The following MRPL1 variants were observed in gnomAD, a reference collection of about 807,000 sequenced individuals.
MRPL1 encodes the protein mitochondrial ribosomal protein L1, also known as large ribosomal subunit protein uL1m.
In MRPL1, 28 loss-of-function variants were observed where a neutral mutation model predicts 38.0. The ratio of observed to expected loss-of-function variants is 0.74; its 90% CI spans 0.55 to 1.01. MRPL1 has a LOEUF of 1.01. MRPL1 is among the 50% of genes least tolerant of loss of function. MRPL1 has a pLI of 0.00. For synonymous variants in MRPL1, 123 were observed against 126.7 expected, an observed-to-expected ratio of 0.97 and a Z score of 0.20; for missense variants, 358 against 389.8, an observed-to-expected ratio of 0.92 and a Z score of 0.69.
At chr4:77,891,759 C>G (rs6848029) in intron 5 of MRPL1, among the ~76,000 whole-genome samples, 116,459 of 152,216 alleles carry the variant, frequency 0.77, 45,344 homozygotes, top group African/African-American at 0.91. Flanking sequence ...TGTAAGTTCA[C>G]TAAATGAAAC....
intron 7 of MRPL1, among the ~76,000 whole-genome samples, chr4:77,942,173 T>C (rs1488528695): frequency 6.6e-6 from 1 of 152,204 alleles, no homozygotes; most frequent in South Asian, 2.1e-4. Context: ...TCTACGGTTT[T>C]GAGGGTTCCT....
chr4:77,922,666 T>C lies in MRPL1; in HGVS notation c.777+13294T>C, dbSNP rs115575613. Among the ~76,000 whole-genome samples, 1,255 of 152,326 alleles carry C rather than the reference T, an allele frequency of 8.2e-3. 23 individuals carry two copies. The highest frequency in any genetic ancestry group is 0.029 in the African/African-American group (1,193 of 41,578). Reference sequence around the variant, plus strand: ...CTTTAAAGATATAGTTTATGGAATTTACTGATTGAATGGATATGAGGTGTG... The same window carrying C: ...CTTTAAAGATATAGTTTATGGAATTCACTGATTGAATGGATATGAGGTGTG... On this transcript the variant is annotated intron_variant, in intron 7 of 8. Coordinates refer to ENST00000315567, the MANE Select transcript of MRPL1 (RefSeq NM_020236.4).
At chr4:77,923,214 G>C (rs907767240) in intron 7 of MRPL1, among the ~76,000 whole-genome samples, 1 of 152,014 alleles carries the variant, frequency 6.6e-6, no homozygotes, top group Admixed American at 6.6e-5. Context: ...TCCTGCCTCA[G>C]CCTCCTGGGT....
Position 77,916,806 on chromosome 4 carries a change from C to T in MRPL1, c.777+7434C>T, listed in dbSNP as rs559664970. On this transcript the variant is annotated intron_variant, in intron 7 of 8. Coordinates refer to ENST00000315567, the MANE Select transcript of MRPL1 (RefSeq NM_020236.4). The stretch of plus-strand genomic sequence containing the variant: ...TGAAAATTTCACAAAGAAATATTGC[C>T]AAAATTCTCTAAGTATATCCATAAG... Among the ~76,000 whole-genome samples, 3 of 151,974 alleles carry T rather than the reference C, an allele frequency of 2.0e-5. No homozygotes were observed. In the South Asian group the frequency reaches 6.2e-4, roughly 32 times the overall value.
chr4:77,869,577 TTTG>T (rs869152117), intron 1 of MRPL1, among the ~76,000 whole-genome samples: 1 of 146,918 alleles, frequency 6.8e-6, no homozygotes, highest in Non-Finnish European at 1.5e-5. Context: ...TTGCTTGCTT[TTTG>T]TTGTTTGTTT....
At chr4:77,863,003 T>G in intron 1 of MRPL1, 124 bp downstream of exon 1, 1 of 1,225,762 alleles carries the variant, frequency 8.2e-7, no homozygotes, top group Non-Finnish European at 1.2e-6. Flanking sequence ...GGTCTCTAGG[T>G]TTTTCAGAGG....
At chr4:77,894,400 T>C in intron 6 of MRPL1, 150 bp downstream of exon 6, 2 of 547,130 alleles carry the variant, frequency 3.7e-6, no homozygotes, top group South Asian at 2.7e-5. Flanking sequence ...GGTTTGATTT[T>C]TTTCCCCCGC....
In MRPL1 at chr4:77,916,819, G is replaced by C. The variant is rs528474827; in HGVS notation, c.777+7447G>C. Among the ~76,000 whole-genome samples the C allele has an allele frequency of 1.1e-3, 172 of 152,206 alleles. 1 individual carries two copies. Among genetic ancestry groups the C allele is most frequent in the African/African-American group, 4.1e-3 (170 of 41,544 alleles). On this transcript the variant is annotated intron_variant, in intron 7 of 8. Coordinates refer to ENST00000315567, the MANE Select transcript of MRPL1 (RefSeq NM_020236.4). ...AAGAAATATTGCCAAAATTCTCTAA[G>C]TATATCCATAAGGTAAATTTATAGA...
At chr4:77,930,242 G>A (rs1736814114) in intron 7 of MRPL1, among the ~76,000 whole-genome samples, 1 of 152,172 alleles carries the variant, frequency 6.6e-6, no homozygotes, top group Admixed American at 6.5e-5. Flanking sequence ...TAGGTATAGG[G>A]CAGGGGTCCC....
intron 8 of MRPL1, among the ~76,000 whole-genome samples, chr4:77,951,214 G>A (rs897380707): frequency 7.4e-4 from 112 of 152,326 alleles, no homozygotes; most frequent in African/African-American, 2.6e-3. Flanking sequence ...TTGTTCTTAT[G>A]AAAAGCATTT....
At chr4:77,911,588 G>A (rs1444456582) in intron 7 of MRPL1, among the ~76,000 whole-genome samples, 2 of 151,860 alleles carry the variant, frequency 1.3e-5, no homozygotes, top group Admixed American at 1.3e-4. Flanking sequence ...CTTGCTCTCT[G>A]AGCCTCAATT....
At chr4:77,944,447 T>C (rs1264776443) in intron 7 of MRPL1, among the ~76,000 whole-genome samples, 2 of 152,238 alleles carry the variant, frequency 1.3e-5, no homozygotes, top group Non-Finnish European at 2.9e-5. Flanking sequence ...CTACCTTTTT[T>C]CGTGATGAGT....
At chr4:77,902,003 G>A (rs986363264) in intron 6 of MRPL1, among the ~76,000 whole-genome samples, 7 of 152,210 alleles carry the variant, frequency 4.6e-5, no homozygotes, top group Admixed American at 1.3e-4. Flanking sequence ...AGTGACACAC[G>A]TATGTGTTCT....
chr4:77,925,657 G>GTTTTT (rs113952693), intron 7 of MRPL1, among the ~76,000 whole-genome samples: 1 of 142,192 alleles, frequency 7.0e-6, no homozygotes, highest in Non-Finnish European at 1.5e-5. Flanking sequence ...GATTTGTGAG[G>GTTTTT]TTTTTTTTTT....
At chr4:77,907,527 CCTCT>C (rs374380235) in intron 6 of MRPL1, among the ~76,000 whole-genome samples, 5 of 136,704 alleles carry the variant, frequency 3.7e-5, no homozygotes, top group African/African-American at 5.4e-5. Flanking sequence ...TTCCTCCTTC[CCTCT>C]CTCTCTCTCT....
chr4:77,884,345 T>C lies in MRPL1; in HGVS notation c.402+845T>C, dbSNP rs556212349. On this transcript the variant is annotated intron_variant, in intron 3 of 8. Coordinates refer to ENST00000315567, the MANE Select transcript of MRPL1 (RefSeq NM_020236.4). ...AAGGTTTTTCTAAAAATATTGATCCTTCAATCAGTTTTATTAGGGGAACAA... is the reference window on the plus strand; with the variant it reads ...AAGGTTTTTCTAAAAATATTGATCCCTCAATCAGTTTTATTAGGGGAACAA... 2.0e-5 allele frequency among the ~76,000 whole-genome samples: 3 copies of C among 152,312 alleles called. No homozygotes were observed. In the East Asian group the frequency reaches 5.8e-4, roughly 29 times the overall value.
At chr4:77,881,534 T>A (rs1237578794) in intron 2 of MRPL1, among the ~76,000 whole-genome samples, 1 of 150,730 alleles carries the variant, frequency 6.6e-6, no homozygotes, top group Non-Finnish European at 1.5e-5. Context: ...CTCAGACTCC[T>A]GAGCTCAGGT....
intron 5 of MRPL1, among the ~76,000 whole-genome samples, chr4:77,889,394 C>T (rs1482659239): frequency 6.6e-6 from 1 of 152,052 alleles, no homozygotes; most frequent in South Asian, 2.1e-4. Context: ...GGGTACATAA[C>T]GAAATGAAGG....
At chr4:77,875,543 T>C (rs1176594168) in intron 2 of MRPL1, among the ~76,000 whole-genome samples, 1 of 151,904 alleles carries the variant, frequency 6.6e-6, no homozygotes, top group African/African-American at 2.4e-5. Flanking sequence ...TCCTGGCTAC[T>C]CAGGAGACTG....
Sources: allele counts gnomAD v4.1 joint callset (sites outside exome capture counted in the v4.1 genomes callset), GRCh38; gene constraint gnomAD v4.1.1; transcripts MANE v1.5; gene names NCBI Gene and HGNC (gene_info 2026-07-23, HGNC 2026-07-21).